DGKK: variants seen among roughly 807,000 people sequenced by gnomAD.
DGKK encodes the protein 142 kDa diacylglycerol kinase.
In DGKK, 35 loss-of-function variants were observed where a neutral mutation model predicts 92.2. That is an observed-to-expected ratio of 0.38 (90% CI 0.29 to 0.50). DGKK has a LOEUF of 0.50. Ranked by LOEUF, DGKK falls within the 20% of genes least tolerant of loss-of-function variation. The pLI is 0.92. For missense variants in DGKK, 910 were observed against 992.2 expected (o/e 0.92, Z 1.11); for synonymous variants, 368 against 360.6 (o/e 1.02, Z -0.23).
chrX:50,443,883 C>T (rs1322951721), intron 1 of DGKK, among the ~76,000 whole-genome samples: 2 of 110,806 alleles, frequency 1.8e-5, no homozygotes, highest in African/African-American at 6.6e-5. Flanking sequence ...TCCCTAATCC[C>T]TGGCAACCAC....
At chrX:50,451,652 A>G (rs1926496495) in intron 1 of DGKK, among the ~76,000 whole-genome samples, 1 of 111,768 alleles carries the variant, frequency 8.9e-6, no homozygotes, top group Non-Finnish European at 1.9e-5. Flanking sequence ...TACAATTACT[A>G]ATATCAATGA....
At chrX:50,443,569 G>T (rs1251443106) in intron 1 of DGKK, among the ~76,000 whole-genome samples, 2 of 110,858 alleles carry the variant, frequency 1.8e-5, no homozygotes, top group Non-Finnish European at 3.8e-5. Context: ...GCAGAGGGAG[G>T]TTCTGTGCAC....
chrX:50,395,627 C>A (rs1021911646), intron 8 of DGKK, among the ~76,000 whole-genome samples: 1 of 111,187 alleles, frequency 9.0e-6, no homozygotes, highest in Non-Finnish European at 1.9e-5. Context: ...CATTCAAAAA[C>A]TTAAATTAGT....
intron 17 of DGKK, among the ~76,000 whole-genome samples, chrX:50,383,877 TAAC>T (rs1288184880): frequency 8.9e-6 from 1 of 112,520 alleles, no homozygotes; most frequent in African/African-American, 3.2e-5. Flanking sequence ...TTTATAATAA[TAAC>T]AATAATAACT....
chrX:50,437,804 G>A (rs1325414964), intron 1 of DGKK, among the ~76,000 whole-genome samples: 3 of 111,395 alleles, frequency 2.7e-5, no homozygotes, highest in Non-Finnish European at 3.8e-5. Context: ...GATGACAAGG[G>A]ATGCTTATTT....
intron 4 of DGKK, among the ~76,000 whole-genome samples, chrX:50,418,237 A>T (rs1258610056): frequency 1.2e-4 from 13 of 111,859 alleles, no homozygotes; most frequent in Non-Finnish European, 3.8e-5. Context: ...GCCTTGTAAC[A>T]TCTCTGAAAA....
intron 26 of DGKK, among the ~76,000 whole-genome samples, chrX:50,371,434 C>CCTAT (rs1557223158): frequency 8.9e-6 from 1 of 112,056 alleles, no homozygotes; most frequent in African/African-American, 3.2e-5. Context: ...CACAAAAAAA[C>CCTAT]CTATCTTGCT....
intron 8 of DGKK, among the ~76,000 whole-genome samples, chrX:50,396,180 T>G (rs1205026014): frequency 1.8e-5 from 2 of 111,806 alleles, no homozygotes; most frequent in Non-Finnish European, 3.8e-5. Context: ...GTCTCCAAAA[T>G]ATACTGTGAA....
intron 18 of DGKK, among the ~76,000 whole-genome samples, chrX:50,381,318 A>C (rs1483593534): frequency 1.8e-5 from 2 of 111,152 alleles, no homozygotes; most frequent in Non-Finnish European, 3.8e-5. Context: ...ATTACAAAAA[A>C]TTAGTCAAGC....
intron 1 of DGKK, among the ~76,000 whole-genome samples, chrX:50,467,913 T>C (rs1206101201): frequency 8.9e-6 from 1 of 112,537 alleles, no homozygotes; most frequent in Non-Finnish European, 1.9e-5. Context: ...AGCCACTGAT[T>C]AGTTAATCTG....
rs782274009 is a variant in DGKK at position 50,384,974 on chromosome X, T to C, written c.2348-150A>G. On this transcript the variant is annotated intron_variant, in intron 15 of 27. Coordinates refer to ENST00000611977, the MANE Select transcript of DGKK (RefSeq NM_001013742.4). ...CTATTTTGTTTAGTTAGTGGGTAGA[T>C]GATGGAGACTCCCATTCGACCATCA... 1.8e-4 allele frequency: 79 copies of C among 434,986 alleles called. No individual in the cohort carries two copies. In the South Asian group the frequency reaches 3.2e-3, roughly 18 times the overall value. 35.8% of individuals were successfully genotyped at this position (434,986 alleles called of 1,213,427 possible).
intron 1 of DGKK, among the ~76,000 whole-genome samples, chrX:50,443,155 A>G (rs151009760): frequency 5.6e-4 from 62 of 111,359 alleles, no homozygotes; most frequent in Non-Finnish European, 1.0e-3. Flanking sequence ...TCCTGCCTAC[A>G]TTCTAGGGGA....
chrX:50,379,095 T>A (rs1315145445), intron 20 of DGKK, among the ~76,000 whole-genome samples: 7 of 111,567 alleles, frequency 6.3e-5, no homozygotes, highest in Non-Finnish European at 1.3e-4. Flanking sequence ...GGTGGGTGGA[T>A]CACCTGAGGC....
chrX:50,462,371 C>G (rs955576750), intron 1 of DGKK, among the ~76,000 whole-genome samples: 2 of 103,911 alleles, frequency 1.9e-5, no homozygotes, highest in East Asian at 3.0e-4. Flanking sequence ...ATCTGTGGAG[C>G]CTGTGGGAGA....
intron 27 of DGKK, among the ~76,000 whole-genome samples, 161 bp downstream of exon 27, chrX:50,370,265 A>G (rs782157435): frequency 1.8e-5 from 2 of 111,271 alleles, no homozygotes; most frequent in South Asian, 7.7e-4. Flanking sequence ...CACCTTGTCC[A>G]AGATATGGCT....
chrX:50,383,019 G>C (rs1924450008), intron 17 of DGKK, among the ~76,000 whole-genome samples: 1 of 111,969 alleles, frequency 8.9e-6, no homozygotes. Flanking sequence ...TGCTCTCAGT[G>C]ATGTCCGACA....
Position 50,467,695 on chromosome X carries a change from A to G in DGKK, c.645+2339T>C, listed in dbSNP as rs1439250225. Among the ~76,000 whole-genome samples, 4 of 112,801 alleles carry G rather than the reference A, an allele frequency of 3.5e-5. No individual in the cohort carries two copies. The Admixed American group carries it at 3.7e-4, about 10-fold the overall frequency. On this transcript the variant is annotated intron_variant, in intron 1 of 27. Coordinates refer to ENST00000611977, the MANE Select transcript of DGKK (RefSeq NM_001013742.4). ...TAAGATGACAACCTGTTTGCCTTGA[A>G]TGTTAAGATACAAGCCAGCTGGTTG...
In DGKK at chrX:50,444,350, A is replaced by AT. The variant is rs781938899; in HGVS notation, c.646-19993dup. ...GCAGGTTTGTTATATAAGTAAGCTC[A>AT]TTTCACAGGGGTTTGTTGTACAGAC... On this transcript the variant is annotated intron_variant, in intron 1 of 27. Coordinates refer to ENST00000611977, the MANE Select transcript of DGKK (RefSeq NM_001013742.4). Among the ~76,000 whole-genome samples the AT allele has an allele frequency of 4.1e-3, 456 of 110,935 alleles. 3 individuals are homozygous for AT. Among genetic ancestry groups the AT allele is most frequent in the African/African-American group, 0.014 (432 of 30,522 alleles).
intron 1 of DGKK, among the ~76,000 whole-genome samples, chrX:50,465,200 T>C (rs182317830): frequency 1.1e-3 from 128 of 111,688 alleles, no homozygotes; most frequent in Non-Finnish European, 2.1e-3. Flanking sequence ...AATTTTTCTT[T>C]GGGGGATATA....
Sources: allele counts gnomAD v4.1 joint callset (sites outside exome capture counted in the v4.1 genomes callset), GRCh38; gene constraint gnomAD v4.1.1; transcripts MANE v1.5; gene names NCBI Gene and HGNC (gene_info 2026-07-23, HGNC 2026-07-21).